Variants in OR2L13 observed in about 807,000 individuals in gnomAD.
OR2L13 encodes the protein olfactory receptor family 2 subfamily L member 13, also known as olfactory receptor 2L13.
In OR2L13, 14 loss-of-function variants were observed where a neutral mutation model predicts 15.3. The ratio of observed to expected loss-of-function variants is 0.91; its 90% CI spans 0.60 to 1.43. The LOEUF (loss-of-function observed/expected upper bound fraction) is 1.43. OR2L13 is among the 40% of genes most tolerant of loss of function. OR2L13 has a pLI of 0.00. For synonymous variants in OR2L13, 152 were observed against 142.9 expected, an observed-to-expected ratio of 1.06 and a Z score of -0.45; for missense variants, 367 against 387.9, an observed-to-expected ratio of 0.95 and a Z score of 0.45.
the OR2L13 span, among the ~76,000 whole-genome samples, chr1:248,036,279 G>C: frequency 6.6e-6 from 1 of 150,946 alleles, no homozygotes; most frequent in Non-Finnish European, 1.5e-5. Context: ...TTTCACTTTC[G>C]TATTTTGAAA....
chr1:247,993,813 A>AAG, the OR2L13 span, among the ~76,000 whole-genome samples: 2 of 77,920 alleles, frequency 2.6e-5, no homozygotes, highest in East Asian at 3.3e-4. Flanking sequence ...GAGAGAGAGA[A>AAG]AGAAAGAGAA....
the OR2L13 span, among the ~76,000 whole-genome samples, chr1:248,004,799 T>G: frequency 6.6e-6 from 1 of 152,230 alleles, no homozygotes; most frequent in Non-Finnish European, 1.5e-5. Context: ...GGAGTTTAGT[T>G]TCATTTTTCT....
chr1:248,037,275 A>G, the OR2L13 span, among the ~76,000 whole-genome samples: 1 of 152,212 alleles, frequency 6.6e-6, no homozygotes, highest in Non-Finnish European at 1.5e-5. Flanking sequence ...AGAAGGAAAT[A>G]TAAGTTCCTC....
At chr1:248,050,489 T>C in the OR2L13 span, among the ~76,000 whole-genome samples, 2 of 152,082 alleles carry the variant, frequency 1.3e-5, no homozygotes, top group Non-Finnish European at 2.9e-5. Flanking sequence ...TAATATTATA[T>C]AATAGGACAT....
chr1:247,951,194 G>A, the OR2L13 span, among the ~76,000 whole-genome samples: 1 of 152,052 alleles, frequency 6.6e-6, no homozygotes, highest in Non-Finnish European at 1.5e-5. Context: ...CTACATCTTT[G>A]TAGTATAGTT....
the OR2L13 span, among the ~76,000 whole-genome samples, chr1:248,009,895 A>G: frequency 6.6e-6 from 1 of 152,218 alleles, no homozygotes; most frequent in Non-Finnish European, 1.5e-5. Flanking sequence ...GCATCGCATA[A>G]ACAGAACTAA....
chr1:247,971,179 A>G, the OR2L13 span, among the ~76,000 whole-genome samples: 2 of 152,222 alleles, frequency 1.3e-5, no homozygotes, highest in African/African-American at 4.8e-5. Context: ...TAACTGTGAT[A>G]CAATAGTTTC....
chr1:248,016,688 A>AT, the OR2L13 span, among the ~76,000 whole-genome samples: 144 of 151,914 alleles, frequency 9.5e-4, 3 homozygotes, highest in Non-Finnish European at 2.6e-4. Context: ...TAGACCACAC[A>AT]TTTTTTTAAA....
At chr1:248,040,058 GCCT>G in the OR2L13 span, 1 of 152,188 alleles carries the variant, frequency 6.6e-6, no homozygotes, top group Non-Finnish European at 1.5e-5. Context: ...CTCAAGATTT[GCCT>G]CCTCAGTTGC....
At chr1:248,042,612 C>G in the OR2L13 span, among the ~76,000 whole-genome samples, 1 of 152,106 alleles carries the variant, frequency 6.6e-6, no homozygotes, top group Non-Finnish European at 1.5e-5. Flanking sequence ...CAAGCACTTA[C>G]TTCACTGTGA....
At chr1:247,962,472 G>C in the OR2L13 span, among the ~76,000 whole-genome samples, 1 of 152,082 alleles carries the variant, frequency 6.6e-6, no homozygotes, top group South Asian at 2.1e-4. Context: ...AATTCATCAG[G>C]GCTACTAATT....
chr1:248,022,922 C>T, the OR2L13 span: 1 of 1,550,844 alleles, frequency 6.4e-7, no homozygotes, highest in Non-Finnish European at 8.7e-7. Context: ...GCGCTAGGTT[C>T]ATATCAACTC....
exon 3 of OR2L13, chr1:248,100,290 G>A (rs756028600): frequency 6.2e-7 from 1 of 1,604,894 alleles, no homozygotes; most frequent in African/African-American, 1.3e-5. Context: ...GAGTGTTTGG[G>A]ATATTCTCTT....
chr1:248,085,418 T>A, the OR2L13 span, among the ~76,000 whole-genome samples: 3 of 27,614 alleles, frequency 1.1e-4, no homozygotes, highest in Non-Finnish European at 1.5e-4. Context: ...TAAAATAAAA[T>A]AATAAAATAA....
the OR2L13 span, chr1:248,083,877 G>A: frequency 6.2e-7 from 1 of 1,611,348 alleles, no homozygotes. Flanking sequence ...CACATGTGAA[G>A]AGCAGGTGGC....
the OR2L13 span, among the ~76,000 whole-genome samples, chr1:248,081,616 T>G: frequency 1.3e-5 from 2 of 152,188 alleles, no homozygotes; most frequent in African/African-American, 4.8e-5. Context: ...ATTTTTTAGA[T>G]GGTATAAATG....
chr1:248,085,156 T>G, the OR2L13 span, among the ~76,000 whole-genome samples: 2 of 151,952 alleles, frequency 1.3e-5, no homozygotes, highest in Non-Finnish European at 2.9e-5. Flanking sequence ...GTTTAAAGTA[T>G]CTTTCTCATG....
chr1:247,966,167 C>T, the OR2L13 span: 1 of 1,614,028 alleles, frequency 6.2e-7, no homozygotes, highest in African/African-American at 1.3e-5. Flanking sequence ...AGGCCACACT[C>T]CTTGCGTTCC....
the OR2L13 span, among the ~76,000 whole-genome samples, chr1:248,070,636 T>A: frequency 1.3e-5 from 2 of 151,760 alleles, no homozygotes; most frequent in African/African-American, 4.8e-5. Context: ...AGAGCAGAAC[T>A]GAAGGAAATA....
Sources: gnomAD v4.1 joint callset for allele counts (sites outside exome capture counted in the v4.1 genomes callset) on GRCh38, gnomAD v4.1.1 for gene constraint, MANE v1.5 for transcripts, NCBI Gene and HGNC (gene_info 2026-07-23, HGNC 2026-07-21) for gene names.